The following EPHA5 variants were observed in gnomAD, a reference collection of about 807,000 sequenced individuals.
EPHA5 encodes the protein EPH receptor A5.
In EPHA5, 60 loss-of-function variants were observed where a neutral mutation model predicts 105.0. The ratio of observed to expected loss-of-function variants is 0.57; its 90% CI spans 0.46 to 0.71. EPHA5 has a LOEUF of 0.71. Among genes scored for constraint, EPHA5 ranks in the 30% least tolerant of loss-of-function variants. The probability of loss-of-function intolerance (pLI) is 0.00; values close to 1 mark genes in which losing one functional copy is unlikely to be tolerated. For synonymous variants in EPHA5, 513 were observed against 449.1 expected (o/e 1.14, Z -1.80); for missense variants, 1,218 against 1,274.7 (o/e 0.96, Z 0.68).
intron 3 of EPHA5, among the ~76,000 whole-genome samples, chr4:65,510,282 T>A (rs777235336): frequency 1.3e-5 from 2 of 151,614 alleles, no homozygotes; most frequent in Non-Finnish European, 2.9e-5. Flanking sequence ...CAACCTCAGG[T>A]GATCAGCCCA....
chr4:65,495,015 A>C (rs953570421), intron 4 of EPHA5, among the ~76,000 whole-genome samples: 1 of 134,912 alleles, frequency 7.4e-6, no homozygotes. Context: ...AGAAAGAAGA[A>C]AGAAGAAGAG....
intron 3 of EPHA5, among the ~76,000 whole-genome samples, chr4:65,579,569 A>C (rs1741410561): frequency 6.6e-6 from 1 of 151,736 alleles, no homozygotes; most frequent in Non-Finnish European, 1.5e-5. Flanking sequence ...TTATAAAATT[A>C]TGAGAATAAT....
intron 5 of EPHA5, among the ~76,000 whole-genome samples, chr4:65,488,004 G>C (rs1021839990): frequency 3.9e-5 from 6 of 152,110 alleles, no homozygotes. Context: ...GATGTTTTGG[G>C]TAGGTTTGCA....
At chr4:65,531,502 A>C (rs147488731) in intron 3 of EPHA5, among the ~76,000 whole-genome samples, 2 of 144,210 alleles carry the variant, frequency 1.4e-5, no homozygotes, top group Admixed American at 1.5e-4. Flanking sequence ...GATCATAAAG[A>C]GGATATACTG....
At chr4:65,622,915 G>A (rs960153516) in intron 2 of EPHA5, among the ~76,000 whole-genome samples, 8 of 152,112 alleles carry the variant, frequency 5.3e-5, no homozygotes, top group East Asian at 1.9e-4. Context: ...TGTCTGGCAC[G>A]TCATAAAGAG....
intron 3 of EPHA5, among the ~76,000 whole-genome samples, chr4:65,591,330 T>C (rs7697946): frequency 0.38 from 57,542 of 151,772 alleles, 11,469 homozygotes; most frequent in African/African-American, 0.51. Flanking sequence ...ATAACACCTC[T>C]AAATTCATGC....
Position 65,320,799 on chromosome 4 carries a change from G to T in EPHA5, c.*3315C>A. ...AAACTCTTTTACAAACTGAATTAAG[G>T]ATATTCTGTGTTGTTTAGGCAACTC... On this transcript the variant is annotated 3_prime_UTR_variant, in exon 17 of 17. Transcript: ENST00000613740. The T allele has an allele frequency of 4.3e-6, 1 of 230,058 alleles. No individual in the cohort carries two copies. Among genetic ancestry groups the T allele is most frequent in the East Asian group, 6.1e-5 (1 of 16,268 alleles). 14.3% of individuals were successfully genotyped at this position (230,058 alleles called of 1,614,324 possible).
At chr4:65,351,126 T>C (rs1369558078) in intron 13 of EPHA5, among the ~76,000 whole-genome samples, 3 of 151,096 alleles carry the variant, frequency 2.0e-5, no homozygotes, top group African/African-American at 7.3e-5. Context: ...GCTGTATCCA[T>C]TCTGAAGTAA....
rs34031274 is a variant in EPHA5 at position 65,589,246 on chromosome 4, GT to G, written c.910+12394del. Reference sequence around the variant, plus strand: ...TTATTTGGTTAAACTGCTAACAGACGTTTTTTTTTAACTTGTCCATAATGGG... The same window carrying G: ...TTATTTGGTTAAACTGCTAACAGACGTTTTTTTTAACTTGTCCATAATGGG... On this transcript the variant is annotated intron_variant, in intron 3 of 16. Coordinates refer to ENST00000613740, the MANE Select transcript of EPHA5 (RefSeq NM_001281766.3). Among the ~76,000 whole-genome samples, 10 of 151,158 alleles carry G rather than the reference GT, an allele frequency of 6.6e-5. No homozygotes were observed. The East Asian group carries it at 2.0e-3, about 30-fold the overall frequency.
chr4:65,669,848 G>C lies in EPHA5; in HGVS notation c.-106C>G. The C allele has an allele frequency of 8.1e-7, 1 of 1,230,908 alleles. No individual in the cohort carries two copies. Among genetic ancestry groups the C allele is most frequent in the Non-Finnish European group, 1.0e-6 (1 of 987,426 alleles). The allele number at this position is 1,230,908 out of a possible 1,614,324, so 76.2% of individuals were successfully genotyped here. On this transcript the variant is annotated 5_prime_UTR_variant, in exon 1 of 17. Coordinates refer to ENST00000613740, the MANE Select transcript of EPHA5 (RefSeq NM_001281766.3). The stretch of plus-strand genomic sequence containing the variant: ...TCGGGAGTCCTCCTTGTCCCCCCTT[G>C]GGGTCCTACGCCTTCTGGCACGCGG...
At chr4:65,647,588 C>A (rs1348347697) in intron 1 of EPHA5, among the ~76,000 whole-genome samples, 1 of 151,828 alleles carries the variant, frequency 6.6e-6, no homozygotes, top group Admixed American at 6.6e-5. Flanking sequence ...CTGGGAGAAC[C>A]CACTAATGAA....
At chr4:65,496,709 G>T (rs1327486495) in intron 3 of EPHA5, among the ~76,000 whole-genome samples, 3 of 152,014 alleles carry the variant, frequency 2.0e-5, no homozygotes, top group Non-Finnish European at 4.4e-5. Context: ...TGTGTCTTTA[G>T]AGAAGCATGA....
intron 8 of EPHA5, among the ~76,000 whole-genome samples, chr4:65,392,077 A>G (rs968433305): frequency 6.6e-6 from 1 of 152,210 alleles, no homozygotes; most frequent in South Asian, 2.1e-4. Flanking sequence ...AGGACGGTTT[A>G]CTTCCCACAG....
intron 5 of EPHA5, among the ~76,000 whole-genome samples, chr4:65,469,884 C>A (rs565177404): frequency 5.3e-5 from 8 of 152,042 alleles, no homozygotes; most frequent in Non-Finnish European, 1.0e-4. Context: ...CATGTATACA[C>A]TACTGTGTGC....
At chr4:65,393,200 T>C (rs1256455940) in intron 8 of EPHA5, among the ~76,000 whole-genome samples, 2 of 152,162 alleles carry the variant, frequency 1.3e-5, no homozygotes, top group African/African-American at 4.8e-5. Context: ...AGATTCTCTT[T>C]CCTCATTCTC....
At chr4:65,356,126 A>G (rs1413610049) in intron 11 of EPHA5, among the ~76,000 whole-genome samples, 1 of 151,414 alleles carries the variant, frequency 6.6e-6, no homozygotes, top group Non-Finnish European at 1.5e-5. Context: ...CCACTAATCT[A>G]TGTTATCATT....
chr4:65,651,723 A>G (rs2149529732), intron 1 of EPHA5, among the ~76,000 whole-genome samples: 1 of 152,332 alleles, frequency 6.6e-6, no homozygotes, highest in Admixed American at 6.5e-5. Context: ...TCAAAAGTTA[A>G]GCAGTAGAAT....
In EPHA5 at chr4:65,351,612, G is replaced by A. The variant is rs781559724; in HGVS notation, c.2236-14C>T. 3 of 1,611,876 alleles carry A rather than the reference G, an allele frequency of 1.9e-6. No individual in the cohort carries two copies. Among genetic ancestry groups the A allele is most frequent in the Non-Finnish European group, 2.5e-6 (3 of 1,178,404 alleles). ...CCCATCGTTTTTCTGTAAAGACAAT[G>A]TAGAAATATTAGTCTAGCAACACCA... On this transcript the variant is annotated splice_polypyrimidine_tract_variant and intron_variant, in intron 12 of 16. Coordinates refer to ENST00000613740, the MANE Select transcript of EPHA5 (RefSeq NM_001281766.3).
rs142945444 is a variant in EPHA5, at chr4:65,531,887, T to C, written c.911-36344A>G. Among the ~76,000 whole-genome samples, 873 of 152,334 alleles carry C rather than the reference T, an allele frequency of 5.7e-3. 4 individuals are homozygous for C. The highest frequency in any genetic ancestry group is 0.019 in the African/African-American group (793 of 41,584). On this transcript the variant is annotated intron_variant, in intron 3 of 16. Transcript: ENST00000613740. ...TAGGTCTTTGGGCTTTCACTTGTAT[T>C]AAGCAAAACTAGTTCTAATGAATAC...
Sources: allele counts gnomAD v4.1 joint callset (sites outside exome capture counted in the v4.1 genomes callset), GRCh38; gene constraint gnomAD v4.1.1; transcripts MANE v1.5; gene names NCBI Gene and HGNC (gene_info 2026-07-23, HGNC 2026-07-21).